Variants in ARHGAP19 observed in about 807,000 individuals in gnomAD.
ARHGAP19 encodes the protein rho GTPase-activating protein 19.
Under a neutral mutation model 60.9 loss-of-function variants are expected in ARHGAP19, and 48 were observed. That is an observed-to-expected ratio of 0.79 (90% CI 0.62 to 1.00). The LOEUF is 1.00. ARHGAP19 is among the 50% of genes least tolerant of loss of function. ARHGAP19 has a pLI of 0.00. For synonymous variants in ARHGAP19, 209 were observed against 215.5 expected (o/e 0.97, Z 0.27); for missense variants, 562 against 597.2 (o/e 0.94, Z 0.61).
At chr10:97,290,965 C>G in intron 1 of ARHGAP19, among the ~76,000 whole-genome samples, 1 of 152,050 alleles carries the variant, frequency 6.6e-6, no homozygotes. Context: ...GCTGGATTTC[C>G]TAGGCCAACT....
chr10:97,227,263 T>C (rs867169867), intron 11 of ARHGAP19, among the ~76,000 whole-genome samples: 4 of 152,360 alleles, frequency 2.6e-5, no homozygotes, highest in African/African-American at 9.6e-5. Context: ...ATATTCATTG[T>C]TGTATAAAAG....
chr10:97,246,356 A>G lies in ARHGAP19; in HGVS notation c.928-19T>C, dbSNP rs752387925. ...CAGGAGCCTGGGCAGGACATAAAAG[A>G]AAACCAAAACCCAGTGATTAGTAGA... On this transcript the variant is annotated intron_variant, in intron 6 of 11. Coordinates refer to ENST00000358531, the MANE Select transcript of ARHGAP19 (RefSeq NM_032900.6). The G allele has an allele frequency of 6.3e-7, 1 of 1,594,352 alleles. No individual in the cohort carries two copies. Among genetic ancestry groups the G allele is most frequent in the Non-Finnish European group, 8.6e-7 (1 of 1,162,492 alleles).
intron 1 of ARHGAP19, among the ~76,000 whole-genome samples, chr10:97,272,518 A>C (rs1341375769): frequency 6.6e-6 from 1 of 152,140 alleles, no homozygotes; most frequent in Non-Finnish European, 1.5e-5. Flanking sequence ...AAGCCATCTG[A>C]ACCTAGAATT....
chr10:97,292,133 C>T (rs1383710822), intron 1 of ARHGAP19, among the ~76,000 whole-genome samples: 2 of 152,330 alleles, frequency 1.3e-5, no homozygotes, highest in Admixed American at 1.3e-4. Context: ...TAAAAACTGG[C>T]CCAAGGACTC....
At chr10:97,259,855 A>T (rs1564722161) in intron 4 of ARHGAP19, among the ~76,000 whole-genome samples, 1 of 40,126 alleles carries the variant, frequency 2.5e-5, no homozygotes, top group Non-Finnish European at 7.0e-5. Context: ...GTTTTTTTTG[A>T]GACAAAGTCT....
chr10:97,228,931 T>G, intron 11 of ARHGAP19: 1 of 658,892 alleles, frequency 1.5e-6, no homozygotes, highest in South Asian at 1.6e-5. Flanking sequence ...CATGTGGGTC[T>G]GTGTTCACAG....
At chr10:97,274,259 T>A (rs756713072) in intron 1 of ARHGAP19, among the ~76,000 whole-genome samples, 8 of 151,420 alleles carry the variant, frequency 5.3e-5, no homozygotes, top group Admixed American at 1.3e-4. Context: ...AGGTCAGGAG[T>A]TCGAGACCAG....
At chr10:97,284,208 T>C (rs11189095) in intron 1 of ARHGAP19, among the ~76,000 whole-genome samples, 6,703 of 152,280 alleles carry the variant, frequency 0.044, 211 homozygotes, top group Non-Finnish European at 0.061. Context: ...CTGCAACTTC[T>C]GCCTCCCAGG....
chr10:97,231,481 C>A (rs1851015824), intron 9 of ARHGAP19, among the ~76,000 whole-genome samples: 1 of 152,138 alleles, frequency 6.6e-6, no homozygotes, highest in Non-Finnish European at 1.5e-5. Flanking sequence ...ATACTCTTAG[C>A]TCCCCTGACA....
In ARHGAP19 at chr10:97,292,607, A is replaced by T; in HGVS notation, c.21T>A (p.Ser7Arg). Residue 7 changes from serine (S) to arginine (R), a missense_variant, in exon 1 of 12, where the codon AGT (serine) becomes AGA (arginine). Physicochemically the swap from Ser to Arg is moderately radical, Grantham distance 110. Coordinates refer to ENST00000358531, the MANE Select transcript of ARHGAP19 (RefSeq NM_032900.6). ...ATTCGCGGGCTGGCACCTCCCCTTC[A>T]CTCTGTGCCTCAGTCGCCATCTTCG... MATEAQ[S>R]EGEVPARESG... The T allele has an allele frequency of 6.2e-7, 1 of 1,613,584 alleles. No individual in the cohort carries two copies. Among genetic ancestry groups the T allele is most frequent in the Non-Finnish European group, 8.5e-7 (1 of 1,179,868 alleles).
intron 6 of ARHGAP19, 70 bp downstream of exon 6, chr10:97,256,248 C>T: frequency 1.7e-6 from 2 of 1,211,818 alleles, no homozygotes; most frequent in East Asian, 2.3e-5. Flanking sequence ...ATCTTTATAG[C>T]CCCACTTAGG....
intron 1 of ARHGAP19, among the ~76,000 whole-genome samples, chr10:97,289,138 G>A (rs753262608): frequency 7.4e-6 from 1 of 135,892 alleles, no homozygotes; most frequent in Non-Finnish European, 1.5e-5. Context: ...TTTTCGAAAC[G>A]TAGTCTCGCT....
At chr10:97,240,687 T>C (rs1043421671) in intron 8 of ARHGAP19, among the ~76,000 whole-genome samples, 1 of 152,226 alleles carries the variant, frequency 6.6e-6, no homozygotes. Context: ...AAAATGTTCG[T>C]AGCCTTTTAA....
chr10:97,291,845 C>A (rs1205771538), intron 1 of ARHGAP19, among the ~76,000 whole-genome samples: 1 of 152,068 alleles, frequency 6.6e-6, no homozygotes, highest in East Asian at 1.9e-4. Flanking sequence ...AAGGCAACAC[C>A]ACCTCGAAAT....
chr10:97,265,937 TC>T lies in ARHGAP19; in HGVS notation c.244del (p.Glu82LysfsTer30). The T allele has an allele frequency of 6.2e-7, 1 of 1,614,000 alleles. No individual in the cohort carries two copies. Among genetic ancestry groups the T allele is most frequent in the Non-Finnish European group, 8.5e-7 (1 of 1,180,016 alleles). On this transcript the variant is annotated frameshift_variant, in exon 2 of 12. Coordinates refer to ENST00000358531, the MANE Select transcript of ARHGAP19 (RefSeq NM_032900.6). LOFTEE classifies it high-confidence loss of function. The part of the protein sequence containing the change: ...PGTELAQLMG[E>X]VDLKLPGGAG... ...CCCGCCAGGCAACTTAAGGTCCACT[TC>T]CCCCATCAGCTGAGCCAACTCAGTT...
At chr10:97,271,830 GTTTAAT>G (rs1357088976) in intron 1 of ARHGAP19, among the ~76,000 whole-genome samples, 1 of 151,712 alleles carries the variant, frequency 6.6e-6, no homozygotes, top group African/African-American at 2.4e-5. Context: ...GTGTATTGGT[GTTTAAT>G]TTTATCAAAT....
chr10:97,266,355 T>G (rs10786321), intron 1 of ARHGAP19, among the ~76,000 whole-genome samples: 1 of 151,888 alleles, frequency 6.6e-6, no homozygotes, highest in African/African-American at 2.4e-5. Flanking sequence ...GCTTTTCCCA[T>G]GTCCACAAAT....
intron 6 of ARHGAP19, 117 bp downstream of exon 6, chr10:97,256,201 T>C: frequency 1.2e-6 from 1 of 837,794 alleles, no homozygotes; most frequent in South Asian, 1.5e-5. Context: ...TCCATTCTGG[T>C]TTGCAATCCC....
chr10:97,229,821 A>G lies in ARHGAP19; in HGVS notation c.1338T>C (p.Thr446=). Residue 446 remains threonine, a synonymous_variant, in exon 10 of 12, where the codon ACT becomes ACC. Transcript: ENST00000358531. ...ATTCACCAATGGCCACAGATTCTGG[A>G]GTAGGGTTCTTCTTTTTCTTTTCTG... is the stretch of plus-strand genomic sequence containing the variant. ...MMSEKKKKNP[T]PESVAIGELK... is the part of the protein sequence containing the mutation. 6.2e-7 allele frequency: 1 copy of G among 1,613,250 alleles called. No homozygotes were observed. The highest frequency in any genetic ancestry group is 1.1e-5 in the South Asian group (1 of 90,968).
Sources: allele counts gnomAD v4.1 joint callset (sites outside exome capture counted in the v4.1 genomes callset), GRCh38; gene constraint gnomAD v4.1.1; transcripts MANE v1.5; gene names NCBI Gene and HGNC (gene_info 2026-07-23, HGNC 2026-07-21).